Variants in CELSR1 observed in about 807,000 individuals in gnomAD.
CELSR1 encodes adhesion G protein-coupled receptor C1.
A neutral mutation model predicts 249.1 loss-of-function variants in CELSR1; 110 were observed. The observed-to-expected ratio is 0.44, with a 90% confidence interval of 0.38 to 0.52. The LOEUF is 0.52. Among genes scored for constraint, CELSR1 ranks in the 20% least tolerant of loss-of-function variants. The pLI is 0.00. For missense variants in CELSR1, 4,109 were observed against 4,296.4 expected, an observed-to-expected ratio of 0.96 and a Z score of 1.22; for synonymous variants, 2,113 against 1,900.0, an observed-to-expected ratio of 1.11 and a Z score of -2.92.
chr22:46,453,052 G>A (rs2079904686), intron 2 of CELSR1, among the ~76,000 whole-genome samples: 1 of 152,220 alleles, frequency 6.6e-6, no homozygotes, highest in Non-Finnish European at 1.5e-5. Flanking sequence ...TGAGCACTTG[G>A]CTCCTGATGG....
rs79311134 is a variant in CELSR1, at chr22:46,372,736, G to A, written c.7759+147C>T. On this transcript the variant is annotated intron_variant, in intron 25 of 34. Transcript: ENST00000674500. ...TGCGAGTGCCCCTGTGCATGCACTC[G>A]CAGTGTGCAGGGCCGAGGCCTCCTC... is the stretch of plus-strand genomic sequence containing the variant. 48,675 of 976,466 alleles carry A rather than the reference G, an allele frequency of 0.05. 1,401 individuals carry two copies. The highest frequency in any genetic ancestry group is 0.06 in the Non-Finnish European group (40,800 of 683,632). 60.5% of individuals were successfully genotyped at this position (976,466 alleles called of 1,614,324 possible). A position where few individuals can be genotyped will look rare whatever the true frequency, so the allele number is the denominator to read the frequency against.
chr22:46,464,155 G>A lies in CELSR1; in HGVS notation c.3735C>T (p.Phe1245=), dbSNP rs2080069295. ...TGACGTCGGTGTCGTTCTGGACGTT[G>A]AAGACGAAGACGTCGTCCTTGGTGG... ...LSTTKDDVFV[F]NVQNDTDVSS... Residue 1245 remains phenylalanine, a synonymous_variant, in exon 2 of 35, where the codon TTC becomes TTT. Transcript: ENST00000674500. This position sits in a 1 kb window ranked among gnomAD's most constrained non-coding sequence, Gnocchi z 8.5. 6.2e-7 allele frequency: 1 copy of A among 1,613,784 alleles called. No individual in the cohort carries two copies. Among genetic ancestry groups the A allele is most frequent in the Non-Finnish European group, 8.5e-7 (1 of 1,180,024 alleles).
At chr22:46,443,406 C>A (rs942161331) in intron 2 of CELSR1, among the ~76,000 whole-genome samples, 1 of 152,144 alleles carries the variant, frequency 6.6e-6, no homozygotes, top group African/African-American at 2.4e-5. Context: ...GGGTTTCCCA[C>A]CCCACTCAGT....
intron 1 of CELSR1, among the ~76,000 whole-genome samples, chr22:46,470,403 G>C (rs1395184161): frequency 6.6e-6 from 1 of 151,806 alleles, no homozygotes; most frequent in Non-Finnish European, 1.5e-5. Flanking sequence ...CCAGCACTGG[G>C]GCCTTCCTGG....
chr22:46,396,810 C>G lies in CELSR1; in HGVS notation c.5702-64G>C. On this transcript the variant is annotated intron_variant, in intron 12 of 34. Transcript: ENST00000674500. This position sits in a 1 kb window ranked among gnomAD's most constrained non-coding sequence, Gnocchi z 6.4. ...CACGAGACCTTCCACGTTAAAATAT[C>G]TGGAGCAACCTGTCCCCTCCAGAAG... is the stretch of plus-strand genomic sequence containing the variant. 2 of 1,562,726 alleles carry G rather than the reference C, an allele frequency of 1.3e-6. No individual in the cohort carries two copies. Among genetic ancestry groups the G allele is most frequent in the Non-Finnish European group, 1.7e-6 (2 of 1,152,284 alleles).
rs529326151 is a variant in CELSR1, at chr22:46,378,096, C to T, written c.7383+495G>A. ...CAGCCCACAATGGCCGGCTCACATT[C>T]CCAGGCCGCTTAAAATGCCAGAGGT... On this transcript the variant is annotated intron_variant, in intron 23 of 34. Transcript: ENST00000674500. 4.6e-5 allele frequency among the ~76,000 whole-genome samples: 7 copies of T among 152,356 alleles called. No individual in the cohort carries two copies. In the East Asian group the frequency reaches 1.2e-3, roughly 25 times the overall value.
rs1403439050 is a variant in CELSR1 at position 46,361,841 on chromosome 22, A to G, written c.*1382T>C. The G allele has an allele frequency of 3.9e-5, 6 of 152,398 alleles. No individual in the cohort carries two copies. Among genetic ancestry groups the G allele is most frequent in the Admixed American group, 2.6e-4 (4 of 15,310 alleles). The allele number at this position is 152,398 out of a possible 1,614,324, so 9.4% of individuals were successfully genotyped here. A position where few individuals can be genotyped will look rare whatever the true frequency, so the allele number is the denominator to read the frequency against. On this transcript the variant is annotated 3_prime_UTR_variant, in exon 35 of 35. Transcript: ENST00000674500. ...TGATTTGAAGAACAAAGGAAACGCT[A>G]AAATCAAACATGTCTGACAGTTCCG... is the stretch of plus-strand genomic sequence containing the variant.
At chr22:46,422,608 T>G (rs2079488902) in intron 5 of CELSR1, among the ~76,000 whole-genome samples, 1 of 149,630 alleles carries the variant, frequency 6.7e-6, no homozygotes, top group South Asian at 2.1e-4. Context: ...AATAAATAAA[T>G]AAATAAAAAT....
At position 46,391,623 on chromosome 22, in the gene CELSR1, C is replaced by G. The variant is rs746273974; in HGVS notation, c.6148+10G>C. 1.3e-6 allele frequency: 2 copies of G among 1,583,918 alleles called. No homozygotes were observed. Among genetic ancestry groups the G allele is most frequent in the Non-Finnish European group, 8.5e-7 (1 of 1,169,828 alleles). ...CTGTAACCTGCAGGGTGTCGAGGGG[C>G]AACGCGGACCTTCACAGCCGAGCGT... On this transcript the variant is annotated intron_variant, in intron 15 of 34. Transcript: ENST00000674500. The surrounding 1 kb of genome is among the most constrained non-coding windows in gnomAD (Gnocchi z 4.3).
intron 28 of CELSR1, among the ~76,000 whole-genome samples, chr22:46,367,457 T>C (rs2078798462): frequency 6.6e-6 from 1 of 152,204 alleles, no homozygotes. Context: ...GCCCTTGGTA[T>C]GACTAGAAAT....
chr22:46,469,999 G>GAC (rs1351904268), intron 1 of CELSR1, among the ~76,000 whole-genome samples: 5 of 134,638 alleles, frequency 3.7e-5, no homozygotes, highest in African/African-American at 8.4e-5. Flanking sequence ...AGGGAGGGAG[G>GAC]GAGAGGCAAA....
intron 1 of CELSR1, among the ~76,000 whole-genome samples, chr22:46,476,360 C>T (rs2080207844): frequency 6.6e-6 from 1 of 152,020 alleles, no homozygotes; most frequent in Non-Finnish European, 1.5e-5. Flanking sequence ...TTTTGAGAGA[C>T]CAAGGTGGGT....
chr22:46,430,428 C>A lies in CELSR1; in HGVS notation c.4611+2965G>T, dbSNP rs185457241. ...GCATCAGCCAAGGCAGGCAGGGACG[C>A]GTGTGCAGGGGGGTTCCCTCGGCAG... On this transcript the variant is annotated intron_variant, in intron 5 of 34. Coordinates refer to ENST00000674500, the MANE Select transcript of CELSR1 (RefSeq NM_001378328.1). The surrounding 1 kb of genome is among the most constrained non-coding windows in gnomAD (Gnocchi z 4.6). 7.5e-4 allele frequency among the ~76,000 whole-genome samples: 114 copies of A among 152,144 alleles called. 1 individual carries two copies. The highest frequency in any genetic ancestry group is 2.7e-3 in the African/African-American group (111 of 41,478).
intron 1 of CELSR1, among the ~76,000 whole-genome samples, chr22:46,509,198 CAG>C (rs2080547208): frequency 6.6e-6 from 1 of 152,162 alleles, no homozygotes; most frequent in African/African-American, 2.4e-5. Context: ...CCAAGATGGC[CAG>C]GTTCACAGGC....
At position 46,527,749 on chromosome 22, in the gene CELSR1, T is replaced by C. The variant is rs917808179; in HGVS notation, c.3544+5878A>G. 6.6e-6 allele frequency among the ~76,000 whole-genome samples: 1 copy of C among 152,198 alleles called. No individual in the cohort carries two copies. The highest frequency in any genetic ancestry group is 1.5e-5 in the Non-Finnish European group (1 of 68,036). ...CATTGCCAAAAGCACTGAACTCTCC[T>C]GGGAAGGTTTGACACTGGCAGAATC... On this transcript the variant is annotated intron_variant, in intron 1 of 34. Coordinates refer to ENST00000674500, the MANE Select transcript of CELSR1 (RefSeq NM_001378328.1). This position sits in a 1 kb window ranked among gnomAD's most constrained non-coding sequence, Gnocchi z 5.5.
rs1037073933 is a variant in CELSR1 at position 46,500,263 on chromosome 22, T to C, written c.3544+33364A>G. Among the ~76,000 whole-genome samples the C allele has an allele frequency of 7.9e-5, 12 of 151,898 alleles. No individual in the cohort carries two copies. Among genetic ancestry groups the C allele is most frequent in the African/African-American group, 2.4e-5 (1 of 41,336 alleles). On this transcript the variant is annotated intron_variant, in intron 1 of 34. Transcript: ENST00000674500. This position sits in a 1 kb window ranked among gnomAD's most constrained non-coding sequence, Gnocchi z 4.9. ...GTCTGCAGGACTCAAGGAAGGGACA[T>C]AACTGCGACAAAACCCTGGCGCCCG... is the stretch of plus-strand genomic sequence containing the variant.
intron 2 of CELSR1, among the ~76,000 whole-genome samples, chr22:46,458,841 C>T (rs1368880049): frequency 1.3e-5 from 2 of 152,216 alleles, no homozygotes; most frequent in African/African-American, 4.8e-5. Flanking sequence ...GAGCCCAGGA[C>T]TTCCGTTCTT....
chr22:46,456,485 C>T (rs1044830947), intron 2 of CELSR1, among the ~76,000 whole-genome samples: 1 of 151,876 alleles, frequency 6.6e-6, no homozygotes, highest in Non-Finnish European at 1.5e-5. Flanking sequence ...AGGTGACACC[C>T]CGTCTCTACT....
intron 1 of CELSR1, among the ~76,000 whole-genome samples, chr22:46,528,231 G>C (rs2147808837): frequency 6.6e-6 from 1 of 152,130 alleles, no homozygotes; most frequent in South Asian, 2.1e-4. Context: ...CTGTTTAAAA[G>C]CCACTGCAAT....
Sources: allele counts gnomAD v4.1 joint callset (sites outside exome capture counted in the v4.1 genomes callset), GRCh38; gene constraint gnomAD v4.1.1; non-coding constraint Gnocchi (gnomAD v3.1); transcripts MANE v1.5; gene names NCBI Gene and HGNC (gene_info 2026-07-23, HGNC 2026-07-21).